HSD17B12: variants seen among roughly 807,000 people sequenced by gnomAD.
HSD17B12 encodes the protein hydroxysteroid 17-beta dehydrogenase 12.
Under a neutral mutation model 39.3 loss-of-function variants are expected in HSD17B12, and 32 were observed. That is an observed-to-expected ratio of 0.81 (90% CI 0.61 to 1.09). The LOEUF (loss-of-function observed/expected upper bound fraction) is 1.09, where lower values mean the gene tolerates loss of function less well. Among genes scored for constraint, HSD17B12 ranks in the 50% least tolerant of loss-of-function variants. HSD17B12 has a pLI of 0.00. For missense variants in HSD17B12, 342 were observed against 382.9 expected (o/e 0.89, Z 0.89); for synonymous variants, 150 against 146.7 (o/e 1.02, Z -0.16).
chr11:43,598,460 C>T, the HSD17B12 span, among the ~76,000 whole-genome samples: 107 of 151,974 alleles, frequency 7.0e-4, 1 homozygote, highest in Admixed American at 7.0e-3. Flanking sequence ...CTTCTTGCAT[C>T]CCCATTTCTG....
At chr11:43,604,568 G>A in the HSD17B12 span, among the ~76,000 whole-genome samples, 1 of 152,114 alleles carries the variant, frequency 6.6e-6, no homozygotes, top group Admixed American at 6.5e-5. Flanking sequence ...GTCAAAAACT[G>A]AAACACAAAA....
the HSD17B12 span, among the ~76,000 whole-genome samples, chr11:43,637,959 G>C: frequency 2.0e-5 from 3 of 152,280 alleles, no homozygotes; most frequent in East Asian, 3.9e-4. Context: ...GCACTTGAAG[G>C]CTCTCTGGTG....
chr11:43,811,184 G>A (rs572312711), intron 4 of HSD17B12, among the ~76,000 whole-genome samples: 4 of 152,258 alleles, frequency 2.6e-5, no homozygotes, highest in Admixed American at 6.5e-5. Context: ...TAAAATTGCC[G>A]TGGGTTTGCT....
intron 3 of HSD17B12, among the ~76,000 whole-genome samples, chr11:43,786,058 T>C (rs1000150048): frequency 6.6e-6 from 1 of 152,228 alleles, no homozygotes; most frequent in Admixed American, 6.5e-5. Flanking sequence ...TACTGTTGCT[T>C]GTTTTTCTTG....
chr11:43,661,072 C>CCTA, the HSD17B12 span, among the ~76,000 whole-genome samples: 1 of 152,132 alleles, frequency 6.6e-6, no homozygotes, highest in Non-Finnish European at 1.5e-5. Flanking sequence ...TTGCAGTGAG[C>CCTA]TAAGATCTTG....
chr11:43,719,236 A>T (rs1366007105), intron 1 of HSD17B12: 4 of 599,258 alleles, frequency 6.7e-6, no homozygotes, highest in Non-Finnish European at 1.2e-5. Flanking sequence ...GGGAGGCCAT[A>T]TACAGGCATT....
the HSD17B12 span, among the ~76,000 whole-genome samples, chr11:43,620,887 G>A: frequency 2.0e-5 from 3 of 152,194 alleles, no homozygotes; most frequent in African/African-American, 7.2e-5. Flanking sequence ...GAACAATAAT[G>A]TAGGTTACCA....
intron 3 of HSD17B12, among the ~76,000 whole-genome samples, chr11:43,767,580 T>G (rs1023449542): frequency 6.6e-6 from 1 of 152,234 alleles, no homozygotes; most frequent in Non-Finnish European, 1.5e-5. Context: ...TAAATGCATA[T>G]TTTTGTTACA....
At chr11:43,676,717 C>T (rs1268766687), upstream of HSD17B12, among the ~76,000 whole-genome samples, 1 of 152,110 alleles carries the variant, frequency 6.6e-6, no homozygotes, top group Non-Finnish European at 1.5e-5. Flanking sequence ...GTTGGGGTAC[C>T]CTAGGTACCA....
At chr11:43,735,264 T>C (rs1056689978) in intron 1 of HSD17B12, among the ~76,000 whole-genome samples, 1 of 152,200 alleles carries the variant, frequency 6.6e-6, no homozygotes, top group Non-Finnish European at 1.5e-5. Flanking sequence ...AATACAGGTT[T>C]TCAGTTTTGG....
chr11:43,610,690 T>C, the HSD17B12 span, among the ~76,000 whole-genome samples: 7 of 152,322 alleles, frequency 4.6e-5, no homozygotes, highest in South Asian at 1.4e-3. Flanking sequence ...CAAGATACTT[T>C]GCAGGGAACC....
At chr11:43,823,054 T>C (rs1951198340) in intron 6 of HSD17B12, among the ~76,000 whole-genome samples, 2 of 152,066 alleles carry the variant, frequency 1.3e-5, no homozygotes, top group Non-Finnish European at 2.9e-5. Flanking sequence ...ATTTTTTACT[T>C]TTTTTGGGGG....
intron 1 of HSD17B12, among the ~76,000 whole-genome samples, chr11:43,708,096 A>C (rs1419078236): frequency 6.6e-6 from 1 of 152,226 alleles, no homozygotes; most frequent in Non-Finnish European, 1.5e-5. Context: ...TTTAAGCTTC[A>C]ACGTATGAAT....
chr11:43,784,082 G>A (rs1037191890), intron 3 of HSD17B12, among the ~76,000 whole-genome samples: 10 of 152,092 alleles, frequency 6.6e-5, no homozygotes, highest in South Asian at 4.1e-4. Context: ...GCAGACTTGC[G>A]TCTTAAGAGC....
intron 3 of HSD17B12, among the ~76,000 whole-genome samples, 180 bp downstream of exon 3, chr11:43,754,301 G>A (rs948631290): frequency 2.6e-5 from 4 of 152,138 alleles, no homozygotes; most frequent in African/African-American, 9.7e-5. Context: ...GGCTGGGTGC[G>A]GTGGCTCACG....
chr11:43,796,357 A>G (rs1950916349), intron 3 of HSD17B12, among the ~76,000 whole-genome samples: 1 of 152,172 alleles, frequency 6.6e-6, no homozygotes, highest in African/African-American at 2.4e-5. Context: ...TAAAAGAAAA[A>G]AAAAAATGGA....
intron 1 of HSD17B12, among the ~76,000 whole-genome samples, chr11:43,709,250 C>T (rs761633141): frequency 8.5e-5 from 13 of 152,182 alleles, no homozygotes; most frequent in Non-Finnish European, 1.5e-4. Flanking sequence ...CTCAGCCTCC[C>T]GAGTAGCGGG....
chr11:43,683,959 T>G (rs1038648664), intron 1 of HSD17B12, among the ~76,000 whole-genome samples: 2 of 152,214 alleles, frequency 1.3e-5, no homozygotes, highest in African/African-American at 4.8e-5. Flanking sequence ...CTTCTAAATT[T>G]AAGAACAAAA....
the HSD17B12 span, among the ~76,000 whole-genome samples, chr11:43,658,411 C>T: frequency 2.6e-4 from 39 of 152,288 alleles, 1 homozygote; most frequent in South Asian, 7.9e-3. Flanking sequence ...CATTCTCCAT[C>T]CATCTTTGTT....
Sources: gnomAD v4.1 joint callset for allele counts (sites outside exome capture counted in the v4.1 genomes callset) on GRCh38, gnomAD v4.1.1 for gene constraint, MANE v1.5 for transcripts, NCBI Gene and HGNC (gene_info 2026-07-23, HGNC 2026-07-21) for gene names.